The following BCL2 variants were observed in gnomAD, a reference collection of about 807,000 sequenced individuals.
BCL2 encodes the protein BCL2 apoptosis regulator.
Under a neutral mutation model 14.2 loss-of-function variants are expected in BCL2, and 1 was observed. The observed-to-expected ratio is 0.07, with a 90% CI of 0.02 to 0.33. The LOEUF is 0.33. Ranked by LOEUF, BCL2 falls within the 10% of genes least tolerant of loss-of-function variation. The pLI, the probability that BCL2 is intolerant of heterozygous loss-of-function variation, is 0.99. For synonymous variants in BCL2, 151 were observed against 137.2 expected, an observed-to-expected ratio of 1.10 and a Z score of -0.70; for missense variants, 247 against 305.9, an observed-to-expected ratio of 0.81 and a Z score of 1.44.
intron 2 of BCL2, among the ~76,000 whole-genome samples, chr18:63,191,939 G>A (rs551024015): frequency 3.3e-5 from 5 of 152,254 alleles, no homozygotes; most frequent in South Asian, 2.1e-4. Flanking sequence ...CTACAAATAC[G>A]TTTGTTACAT....
At chr18:63,236,233 TA>T (rs1339645913) in intron 2 of BCL2, among the ~76,000 whole-genome samples, 8 of 152,338 alleles carry the variant, frequency 5.3e-5, no homozygotes, top group Middle Eastern at 3.4e-3. Flanking sequence ...GTGAGTCCAT[TA>T]AAACTTTTTC....
intron 2 of BCL2, among the ~76,000 whole-genome samples, chr18:63,238,809 C>T (rs1368660978): frequency 2.6e-5 from 4 of 152,184 alleles, no homozygotes; most frequent in East Asian, 1.9e-4. Context: ...GCTCAGGGAG[C>T]GGAAGGGTAC....
At chr18:63,136,223 C>T (rs1298005914) in intron 2 of BCL2, among the ~76,000 whole-genome samples, 1 of 152,166 alleles carries the variant, frequency 6.6e-6, no homozygotes, top group African/African-American at 2.4e-5. Flanking sequence ...TGATAATGTT[C>T]CTAACATCTT....
chr18:63,256,562 A>G (rs1911482924), intron 2 of BCL2, among the ~76,000 whole-genome samples: 2 of 152,218 alleles, frequency 1.3e-5, no homozygotes, highest in South Asian at 4.1e-4. Context: ...GACTTACTCA[A>G]GGGCTACATA....
At chr18:63,198,866 GACAC>G (rs1172172362) in intron 2 of BCL2, among the ~76,000 whole-genome samples, 8 of 129,120 alleles carry the variant, frequency 6.2e-5, no homozygotes, top group Non-Finnish European at 9.8e-5. Flanking sequence ...CACACACAAA[GACAC>G]ACAGTGACAC....
intron 2 of BCL2, among the ~76,000 whole-genome samples, chr18:63,228,666 G>A (rs1286579143): frequency 6.6e-6 from 1 of 151,492 alleles, no homozygotes; most frequent in Admixed American, 6.6e-5. Context: ...ATCAGTGAAT[G>A]AATAAATGAA....
chr18:63,205,850 G>A (rs1334535134), intron 2 of BCL2, among the ~76,000 whole-genome samples: 2 of 152,020 alleles, frequency 1.3e-5, no homozygotes, highest in Admixed American at 6.6e-5. Flanking sequence ...GAAAACTCCC[G>A]GCCCCATCCC....
rs1482462710 is a variant in BCL2, at chr18:63,318,289, C to T, written c.378G>A (p.Ala126=). The T allele has an allele frequency of 5.0e-6, 8 of 1,614,178 alleles. No homozygotes were observed. The highest frequency in any genetic ancestry group is 2.2e-5 in the South Asian group (2 of 91,058). The change falls in exon 2 of 3, where the codon GCG becomes GCA. Residue 126 remains alanine (A), a synonymous_variant. Coordinates refer to ENST00000333681, the MANE Select transcript of BCL2 (RefSeq NM_000633.3). This position sits in a 1 kb window ranked among gnomAD's most constrained non-coding sequence, Gnocchi z 7.4. ...SSQLHLTPFT[A]RGRFATVVEE... The stretch of plus-strand genomic sequence containing the variant: ...CCACCACCGTGGCAAAGCGTCCCCG[C>T]GCGGTGAAGGGCGTCAGGTGCAGCT...
intron 2 of BCL2, among the ~76,000 whole-genome samples, chr18:63,218,901 T>C (rs1236114529): frequency 6.6e-6 from 1 of 151,384 alleles, no homozygotes; most frequent in Non-Finnish European, 1.5e-5. Context: ...ATTCTGAATC[T>C]CATTTCTGGC....
At chr18:63,176,954 T>C (rs1260048679) in intron 2 of BCL2, among the ~76,000 whole-genome samples, 1 of 150,930 alleles carries the variant, frequency 6.6e-6, no homozygotes, top group Non-Finnish European at 1.5e-5. Flanking sequence ...CTCACTCCCA[T>C]CTTCTGGGCT....
chr18:63,305,394 C>G (rs1310323880), intron 2 of BCL2, among the ~76,000 whole-genome samples: 11 of 152,176 alleles, frequency 7.2e-5, no homozygotes, highest in Admixed American at 7.2e-4. Flanking sequence ...TCTTCCTGTG[C>G]TTATTGGCTC....
In BCL2 at chr18:63,318,041, C is replaced by T. The variant is rs780981306; in HGVS notation, c.585+41G>A. 1 of 1,603,786 alleles carries T rather than the reference C, an allele frequency of 6.2e-7. No homozygotes were observed. Among genetic ancestry groups the T allele is most frequent in the Non-Finnish European group, 8.5e-7 (1 of 1,173,346 alleles). ...GCACTCCAACCCCCGCATCTCGGAC[C>T]TGTGGCCTCAGCCCAGACTCACATC... On this transcript the variant is annotated intron_variant, in intron 2 of 2. Transcript: ENST00000333681. This position sits in a 1 kb window ranked among gnomAD's most constrained non-coding sequence, Gnocchi z 7.4.
intron 2 of BCL2, among the ~76,000 whole-genome samples, chr18:63,240,951 T>A (rs1467064599): frequency 1.3e-5 from 2 of 152,234 alleles, no homozygotes; most frequent in African/African-American, 4.8e-5. Flanking sequence ...ATAAATACCA[T>A]GAAAATATCT....
rs186051372 is a variant in BCL2 at position 63,202,195 on chromosome 18, G to A, written c.586-73436C>T. On this transcript the variant is annotated intron_variant, in intron 2 of 2. Transcript: ENST00000333681. ...ATGGTGGTGCATGCCTGTAATCCCA[G>A]GTACTTGGGTGCCTGAGGCAGGAGA... Among the ~76,000 whole-genome samples, 4 of 152,230 alleles carry A rather than the reference G, an allele frequency of 2.6e-5. No homozygotes were observed. In the East Asian group the frequency reaches 5.8e-4, roughly 22 times the overall value.
rs1009725 is a variant in BCL2, at chr18:63,148,114, C to A, written c.586-19355G>T. ...GTTGAACTGCGCTTCCCCGCTCCCC[C>A]CCATTTCAGATAACTCAAAACTGGT... On this transcript the variant is annotated intron_variant, in intron 2 of 2. Transcript: ENST00000333681. Among the ~76,000 whole-genome samples the A allele has an allele frequency of 7.9e-5, 12 of 152,298 alleles. No individual in the cohort carries two copies. In the East Asian group the frequency reaches 1.3e-3, roughly 17 times the overall value.
At chr18:63,285,951 G>A (rs1364434928) in intron 2 of BCL2, among the ~76,000 whole-genome samples, 1 of 152,254 alleles carries the variant, frequency 6.6e-6, no homozygotes, top group Non-Finnish European at 1.5e-5. Context: ...CCAGGTAGTG[G>A]CATTCTCCCT....
chr18:63,319,033 T>C (rs1045222087), intron 1 of BCL2, 81 bp from the exon 2 acceptor site: 8 of 1,127,968 alleles, frequency 7.1e-6, no homozygotes, highest in Non-Finnish European at 7.6e-6. Flanking sequence ...AAGCAGGGCA[T>C]ACACACTACA....
chr18:63,164,754 T>A (rs574562917), intron 2 of BCL2, among the ~76,000 whole-genome samples: 107 of 152,176 alleles, frequency 7.0e-4, no homozygotes, highest in Admixed American at 1.2e-3. Context: ...GGAGGAGAAA[T>A]GAACTTAAGC....
chr18:63,277,162 C>T (rs947841040), intron 2 of BCL2, among the ~76,000 whole-genome samples: 1 of 152,216 alleles, frequency 6.6e-6, no homozygotes, highest in African/African-American at 2.4e-5. Flanking sequence ...TCCTTCGTCA[C>T]TTCCCTTCCT....
Sources: allele counts gnomAD v4.1 joint callset (sites outside exome capture counted in the v4.1 genomes callset), GRCh38; gene constraint gnomAD v4.1.1; non-coding constraint Gnocchi (gnomAD v3.1); transcripts MANE v1.5; gene names NCBI Gene and HGNC (gene_info 2026-07-23, HGNC 2026-07-21).